The following ZBTB7C variants were observed in gnomAD, a reference collection of about 807,000 sequenced individuals.
ZBTB7C encodes zinc finger and BTB domain containing 7C, also known as zinc finger and BTB domain-containing protein 7C.
A neutral mutation model predicts 25.7 loss-of-function variants in ZBTB7C; 8 were observed. The ratio of observed to expected loss-of-function variants is 0.31; its 90% CI spans 0.18 to 0.56. ZBTB7C has a LOEUF of 0.56. Ranked by LOEUF, ZBTB7C falls within the 20% of genes least tolerant of loss-of-function variation. The pLI is 0.91. For synonymous variants in ZBTB7C, 394 were observed against 369.0 expected (o/e 1.07, Z -0.78); for missense variants, 824 against 855.2 (o/e 0.96, Z 0.46).
At chr18:48,115,552 TACACACACACACACAAACACAC>T (rs1427582961) in intron 3 of ZBTB7C, among the ~76,000 whole-genome samples, 1 of 151,802 alleles carries the variant, frequency 6.6e-6, no homozygotes, top group Non-Finnish European at 1.5e-5. Context: ...GAGTGACCTT[TACACACACACACACAAACACAC>T]ACACACACAC....
rs151125874 is a variant in ZBTB7C at position 48,303,566 on chromosome 18, T to C, written c.-79+34608A>G. On this transcript the variant is annotated intron_variant, in intron 2 of 4. Coordinates refer to ENST00000590800, the MANE Select transcript of ZBTB7C (RefSeq NM_001318841.2). ...AAAAGATGAGGCTTTGAGTTTATCA[T>C]GGCCATAAGAATAGAGATGGGGTGG... 3.9e-4 allele frequency among the ~76,000 whole-genome samples: 60 copies of C among 152,280 alleles called. No homozygotes were observed. The East Asian group carries it at 0.01, about 26-fold the overall frequency.
chr18:48,363,400 C>G (rs944884092), intron 1 of ZBTB7C, among the ~76,000 whole-genome samples: 2 of 152,134 alleles, frequency 1.3e-5, no homozygotes, highest in Non-Finnish European at 2.9e-5. Context: ...CCCCAGCCCC[C>G]ACCCACCTAG....
intron 2 of ZBTB7C, among the ~76,000 whole-genome samples, chr18:48,331,582 G>C (rs1420659894): frequency 2.0e-5 from 3 of 152,164 alleles, no homozygotes; most frequent in African/African-American, 7.2e-5. Context: ...CCGTCCAAGA[G>C]GTACAGTGTA....
At position 48,029,289 on chromosome 18, in the gene ZBTB7C, C is replaced by T; in HGVS notation, c.1831G>A (p.Val611Met). 6.5e-7 allele frequency: 1 copy of T among 1,537,880 alleles called. No homozygotes were observed. Among genetic ancestry groups the T allele is most frequent in the Non-Finnish European group, 8.7e-7 (1 of 1,148,546 alleles). ...GLPGLAGLNH[V>M]ASMSEANN ...TTGTTGGCTTCGGACATGGAGGCCA[C>T]GTGGTTGAGGCCGGCGAGCCCAGGG... The change falls in exon 5 of 5, where the codon GTG becomes ATG. Residue 611 changes from valine (V) to methionine (M), a missense_variant. Coordinates refer to ENST00000590800, the MANE Select transcript of ZBTB7C (RefSeq NM_001318841.2).
intron 3 of ZBTB7C, among the ~76,000 whole-genome samples, chr18:48,157,915 C>A (rs2040885695): frequency 6.6e-6 from 1 of 152,010 alleles, no homozygotes. Context: ...AAATTCAATC[C>A]CACTCAATAT....
At chr18:48,398,765 T>G (rs111405694) in intron 1 of ZBTB7C, among the ~76,000 whole-genome samples, 2 of 151,150 alleles carry the variant, frequency 1.3e-5, no homozygotes, top group African/African-American at 4.9e-5. Flanking sequence ...ATCCAGCACA[T>G]AGTGGGAGCT....
intron 1 of ZBTB7C, among the ~76,000 whole-genome samples, chr18:48,367,202 T>TATATATATATATACACAC (rs1302394192): frequency 5.2e-4 from 33 of 63,300 alleles, no homozygotes; most frequent in South Asian, 1.6e-3. Context: ...TATATATATA[T>TATATATATATATACACAC]ACACACACAC....
At chr18:48,152,745 A>C (rs1342838646) in intron 3 of ZBTB7C, among the ~76,000 whole-genome samples, 1 of 152,250 alleles carries the variant, frequency 6.6e-6, no homozygotes, top group Non-Finnish European at 1.5e-5. Flanking sequence ...CAACTTTTCC[A>C]GAGCTGTCTC....
intron 2 of ZBTB7C, among the ~76,000 whole-genome samples, chr18:48,316,994 C>T (rs1215781075): frequency 1.3e-5 from 2 of 152,172 alleles, no homozygotes; most frequent in African/African-American, 2.4e-5. Context: ...CTCAACAAGC[C>T]AGGTGCAGTG....
chr18:48,110,184 A>T (rs2039186396), intron 3 of ZBTB7C, among the ~76,000 whole-genome samples: 1 of 152,176 alleles, frequency 6.6e-6, no homozygotes, highest in Non-Finnish European at 1.5e-5. Flanking sequence ...CAGATGGAAC[A>T]ATCATTTTGT....
intron 2 of ZBTB7C, among the ~76,000 whole-genome samples, chr18:48,236,532 G>C (rs1458188707): frequency 1.3e-5 from 2 of 152,236 alleles, no homozygotes; most frequent in Non-Finnish European, 2.9e-5. Context: ...GCTGGAGGAA[G>C]ACTTCATAGA....
At chr18:48,080,103 T>A (rs192399691) in intron 3 of ZBTB7C, among the ~76,000 whole-genome samples, 40 of 152,352 alleles carry the variant, frequency 2.6e-4, no homozygotes, top group Non-Finnish European at 1.5e-4. Flanking sequence ...TGACATTCAA[T>A]GTCTCCATCA....
intron 3 of ZBTB7C, among the ~76,000 whole-genome samples, chr18:48,101,102 C>T (rs1009236770): frequency 1.3e-5 from 2 of 152,156 alleles, no homozygotes; most frequent in African/African-American, 4.8e-5. Context: ...CAGGCCCAGC[C>T]CAGTCCCTGG....
At chr18:48,158,645 C>T (rs2144933568) in intron 3 of ZBTB7C, among the ~76,000 whole-genome samples, 1 of 152,264 alleles carries the variant, frequency 6.6e-6, no homozygotes, top group Admixed American at 6.5e-5. Context: ...CTCCTAGTTC[C>T]TAGGCCCTCT....
rs1180601753 is a variant in ZBTB7C, at chr18:48,260,042, A to T, written c.-78-74047T>A. On this transcript the variant is annotated intron_variant, in intron 2 of 4. Transcript: ENST00000590800. ...CCAAGAGAAATGAAAACATATCCAC[A>T]CAGACTCATACATGAATGTTCATAG... 3.3e-5 allele frequency among the ~76,000 whole-genome samples: 5 copies of T among 152,216 alleles called. No individual in the cohort carries two copies. The East Asian group carries it at 9.6e-4, about 29-fold the overall frequency.
chr18:48,192,394 T>A (rs1334973657), intron 2 of ZBTB7C, among the ~76,000 whole-genome samples: 4 of 152,184 alleles, frequency 2.6e-5, no homozygotes, highest in Admixed American at 2.6e-4. Flanking sequence ...TAGATGACAT[T>A]ATGCATTTGT....
intron 3 of ZBTB7C, chr18:48,165,558 C>T (rs779454736): frequency 5.5e-6 from 1 of 181,652 alleles, no homozygotes; most frequent in Non-Finnish European, 1.2e-5. Flanking sequence ...CCCTCTGTTC[C>T]TGTTGTGCAA....
At chr18:48,394,464 A>G (rs2047973717) in intron 1 of ZBTB7C, among the ~76,000 whole-genome samples, 1 of 152,196 alleles carries the variant, frequency 6.6e-6, no homozygotes, top group African/African-American at 2.4e-5. Flanking sequence ...CCAGGGAAAG[A>G]TCAGATGCAG....
rs1172339399 is a variant in ZBTB7C at position 48,367,335 on chromosome 18, CAT to C, written c.-303-28939_-303-28938del. On this transcript the variant is annotated intron_variant, in intron 1 of 4. Coordinates refer to ENST00000590800, the MANE Select transcript of ZBTB7C (RefSeq NM_001318841.2). ...ATACATATATGTGTGTATATATATA[CAT>C]ATATGTGTGCATATATATATATATA... 2.5e-3 allele frequency among the ~76,000 whole-genome samples: 216 copies of C among 86,190 alleles called. 2 individuals are homozygous for C. Among genetic ancestry groups the C allele is most frequent in the Admixed American group, 4.2e-3 (31 of 7,464 alleles). 56.5% of individuals were successfully genotyped at this position (86,190 alleles called of 152,430 possible).
Sources: gnomAD v4.1 joint callset for allele counts (sites outside exome capture counted in the v4.1 genomes callset) on GRCh38, gnomAD v4.1.1 for gene constraint, MANE v1.5 for transcripts, NCBI Gene and HGNC (gene_info 2026-07-23, HGNC 2026-07-21) for gene names.